ARHGEF10: variants seen among roughly 807,000 people sequenced by gnomAD.
ARHGEF10 encodes Rho guanine nucleotide exchange factor 10, also known as Rho guanine nucleotide exchange factor (GEF) 10.
In ARHGEF10, 140 loss-of-function variants were observed where a neutral mutation model predicts 147.4. The ratio of observed to expected loss-of-function variants is 0.95; its 90% CI spans 0.83 to 1.09. The LOEUF is 1.09. Ranked by LOEUF, ARHGEF10 falls within the 50% of genes least tolerant of loss-of-function variation. The pLI is 0.00. For missense variants in ARHGEF10, 2,222 were observed against 1,752.7 expected (o/e 1.27, Z -4.78); for synonymous variants, 902 against 695.8 (o/e 1.30, Z -4.67).
intron 27 of ARHGEF10, among the ~76,000 whole-genome samples, chr8:1,946,843 C>A (rs1384953274): frequency 2.0e-5 from 3 of 152,298 alleles, no homozygotes; most frequent in Admixed American, 6.5e-5. Context: ...CGTGTCCCCG[C>A]CGCACTCCCA....
intron 4 of ARHGEF10, 35 bp downstream of exon 4, chr8:1,860,219 G>A (rs1027555215): frequency 1.2e-6 from 2 of 1,605,722 alleles, no homozygotes; most frequent in Non-Finnish European, 1.7e-6. Flanking sequence ...CCCCGAAGTG[G>A]CCTGTGGTTC....
intron 6 of ARHGEF10, among the ~76,000 whole-genome samples, chr8:1,868,063 A>G (rs549386763): frequency 2.0e-5 from 3 of 152,362 alleles, no homozygotes; most frequent in South Asian, 2.1e-4. Context: ...GTGAATTGGA[A>G]TAACTATATT....
At chr8:1,899,239 C>G (rs1178319065) in intron 15 of ARHGEF10, among the ~76,000 whole-genome samples, 1 of 152,172 alleles carries the variant, frequency 6.6e-6, no homozygotes, top group African/African-American at 2.4e-5. Context: ...CCCAGGTGAC[C>G]CTGTAGGCTG....
At chr8:1,879,439 C>T (rs769852708) in intron 8 of ARHGEF10, among the ~76,000 whole-genome samples, 4 of 152,124 alleles carry the variant, frequency 2.6e-5, no homozygotes, top group African/African-American at 7.2e-5. Flanking sequence ...CGAATGATTT[C>T]ACAGATATTT....
intron 4 of ARHGEF10, 126 bp from the exon 5 acceptor site, chr8:1,864,247 C>T: frequency 1.1e-6 from 1 of 929,920 alleles, no homozygotes; most frequent in Non-Finnish European, 1.7e-6. Flanking sequence ...TTATTAATCA[C>T]CCTTATGCTA....
chr8:1,869,599 G>A lies in ARHGEF10; in HGVS notation c.679+349G>A, dbSNP rs747587851. On this transcript the variant is annotated intron_variant, in intron 7 of 28. Transcript: ENST00000349830. Reference sequence around the variant, plus strand: ...AGAAAGTAGAGAGAATCAGGCAAAGGTAATAGTCAAAGAAATAACTAAGAA... The same window carrying A: ...AGAAAGTAGAGAGAATCAGGCAAAGATAATAGTCAAAGAAATAACTAAGAA... 6 of 394,734 alleles carry A rather than the reference G, an allele frequency of 1.5e-5. No homozygotes were observed. In the East Asian group the frequency reaches 2.7e-4, roughly 18 times the overall value. The allele number at this position is 394,734 out of a possible 1,614,324, so 24.5% of individuals were successfully genotyped here.
At chr8:1,909,831 A>T (rs1039688385) in intron 18 of ARHGEF10, among the ~76,000 whole-genome samples, 1 of 152,120 alleles carries the variant, frequency 6.6e-6, no homozygotes, top group Non-Finnish European at 1.5e-5. Flanking sequence ...GCGTGCAGGA[A>T]GTCATAGAGC....
intron 18 of ARHGEF10, among the ~76,000 whole-genome samples, chr8:1,921,675 C>T (rs899060964): frequency 7.9e-5 from 12 of 151,942 alleles, no homozygotes; most frequent in African/African-American, 2.9e-4. Flanking sequence ...GCAGAGGTTG[C>T]AGTGAGCTGA....
chr8:1,923,907 A>T (rs758239468), intron 21 of ARHGEF10, 33 bp downstream of exon 21: 3 of 1,595,586 alleles, frequency 1.9e-6, no homozygotes, highest in South Asian at 2.2e-5. Context: ...TGAATGAGGC[A>T]TGCGGCGTGA....
At chr8:1,896,780 A>T (rs1439124588) in intron 14 of ARHGEF10, among the ~76,000 whole-genome samples, 5 of 152,216 alleles carry the variant, frequency 3.3e-5, no homozygotes, top group African/African-American at 9.7e-5. Context: ...TAAACTAAAC[A>T]TCTCAATTCC....
At position 1,888,848 on chromosome 8, in the gene ARHGEF10, G is replaced by A. The variant is rs889848524; in HGVS notation, c.1182+3141G>A. 1.4e-4 allele frequency among the ~76,000 whole-genome samples: 10 copies of A among 70,238 alleles called. 3 individuals are homozygous for A. The highest frequency in any genetic ancestry group is 2.5e-5 in the Non-Finnish European group (1 of 40,090). The allele number at this position is 70,238 out of a possible 152,430, so 46.1% of individuals were successfully genotyped here. On this transcript the variant is annotated intron_variant, in intron 11 of 28. Transcript: ENST00000349830. ...ATGAGGAGACACTGAATAGGGTGAGGTTTGTGAGGAGACACTGAGTGGGGT... is the reference window on the plus strand; with the variant it reads ...ATGAGGAGACACTGAATAGGGTGAGATTTGTGAGGAGACACTGAGTGGGGT...
intron 25 of ARHGEF10, among the ~76,000 whole-genome samples, chr8:1,931,838 C>A (rs1024277491): frequency 1.2e-4 from 18 of 152,174 alleles, no homozygotes; most frequent in Admixed American, 1.2e-3. Flanking sequence ...GGGACACATA[C>A]ACAGGGAGAA....
chr8:1,845,049 G>A (rs542579201), intron 2 of ARHGEF10, among the ~76,000 whole-genome samples: 2 of 152,316 alleles, frequency 1.3e-5, no homozygotes, highest in Non-Finnish European at 2.9e-5. Flanking sequence ...TGGGGTGGGA[G>A]GTTCACTTGA....
At chr8:1,883,094 G>A (rs911892814) in intron 10 of ARHGEF10, among the ~76,000 whole-genome samples, 4 of 152,192 alleles carry the variant, frequency 2.6e-5, no homozygotes, top group African/African-American at 7.2e-5. Flanking sequence ...GCATGGTCCC[G>A]CAGGGACTGA....
At chr8:1,875,621 G>C (rs986301008) in intron 7 of ARHGEF10, among the ~76,000 whole-genome samples, 1 of 152,216 alleles carries the variant, frequency 6.6e-6, no homozygotes, top group East Asian at 1.9e-4. Flanking sequence ...GGCTGCTGTT[G>C]ACCTGCCAGA....
chr8:1,867,447 C>T (rs1305059439), intron 6 of ARHGEF10, among the ~76,000 whole-genome samples: 1 of 152,196 alleles, frequency 6.6e-6, no homozygotes, highest in Non-Finnish European at 1.5e-5. Flanking sequence ...GAGCAGTCTG[C>T]AACGTAAACA....
At position 1,828,494 on chromosome 8, in the gene ARHGEF10, C is replaced by G. The variant is rs146858788; in HGVS notation, c.-48+4381C>G. Among the ~76,000 whole-genome samples, 525 of 147,946 alleles carry G rather than the reference C, an allele frequency of 3.5e-3. 27 individuals are homozygous for G. Among genetic ancestry groups the G allele is most frequent in the African/African-American group, 0.013 (496 of 39,244 alleles). ...ATTTTGATAAACCGTGGCATGCACA[C>G]TTACGGTTTTAAGGAATTACATTTT... On this transcript the variant is annotated intron_variant, in intron 1 of 28. Transcript: ENST00000349830.
intron 26 of ARHGEF10, among the ~76,000 whole-genome samples, chr8:1,938,267 G>A (rs1445727399): frequency 6.6e-6 from 1 of 152,224 alleles, no homozygotes; most frequent in Non-Finnish European, 1.5e-5. Context: ...TCTGACGTCT[G>A]ACGTTTAGGA....
intron 9 of ARHGEF10, 49 bp downstream of exon 9, chr8:1,880,213 A>G (rs1384050150): frequency 1.5e-6 from 2 of 1,364,002 alleles, no homozygotes; most frequent in Non-Finnish European, 2.1e-6. Context: ...CCGGGCAGTA[A>G]AGAAAAACCG....
Sources: allele counts gnomAD v4.1 joint callset (sites outside exome capture counted in the v4.1 genomes callset), GRCh38; gene constraint gnomAD v4.1.1; transcripts MANE v1.5; gene names NCBI Gene and HGNC (gene_info 2026-07-23, HGNC 2026-07-21).